SLC22A4: variants seen among roughly 807,000 people sequenced by gnomAD.
SLC22A4 encodes solute carrier family 22 member 4.
Under a neutral mutation model 56.6 loss-of-function variants are expected in SLC22A4, and 39 were observed. That is an observed-to-expected ratio of 0.69 (90% CI 0.53 to 0.90). The LOEUF is 0.90. Among genes scored for constraint, SLC22A4 ranks in the 40% least tolerant of loss-of-function variants. The pLI, the probability that SLC22A4 is intolerant of heterozygous loss-of-function variation, is 0.00. For synonymous variants in SLC22A4, 241 were observed against 281.4 expected, an observed-to-expected ratio of 0.86 and a Z score of 1.44; for missense variants, 594 against 696.5, an observed-to-expected ratio of 0.85 and a Z score of 1.66.
intron 1 of SLC22A4, among the ~76,000 whole-genome samples, chr5:132,302,247 A>T (rs1749921563): frequency 6.6e-6 from 1 of 150,556 alleles, no homozygotes; most frequent in Admixed American, 6.6e-5. Flanking sequence ...GACTTTGTCC[A>T]TCCCTCTTGG....
intron 1 of SLC22A4, among the ~76,000 whole-genome samples, chr5:132,297,128 G>C (rs578090000): frequency 1.3e-5 from 2 of 152,262 alleles, no homozygotes; most frequent in East Asian, 3.9e-4. Flanking sequence ...GACCAGCCTG[G>C]CCAACATGGT....
At chr5:132,335,725 C>A in intron 7 of SLC22A4, 93 bp from the exon 8 acceptor site, 2 of 1,011,426 alleles carry the variant, frequency 2.0e-6, no homozygotes, top group South Asian at 1.3e-5. Flanking sequence ...AATAAAAGTA[C>A]TCCCACTGAA....
intron 4 of SLC22A4, among the ~76,000 whole-genome samples, chr5:132,324,886 T>C (rs1750646954): frequency 6.6e-6 from 1 of 152,164 alleles, no homozygotes; most frequent in Non-Finnish European, 1.5e-5. Context: ...ATCAAAGCAA[T>C]TCAAAACTAG....
Position 132,328,995 on chromosome 5 carries a change from C to T in SLC22A4, c.951+1592C>T, listed in dbSNP as rs1352774635. 6.6e-5 allele frequency among the ~76,000 whole-genome samples: 10 copies of T among 151,300 alleles called. No individual in the cohort carries two copies. In the East Asian group the frequency reaches 2.0e-3, roughly 30 times the overall value. On this transcript the variant is annotated intron_variant, in intron 5 of 9. Transcript: ENST00000200652. Reference sequence around the variant, plus strand: ...TTGCTCAGGCTAGAGTGCAGTGGTACAATTACAGCTCAATGTAGCCTCGAC... The same window carrying T: ...TTGCTCAGGCTAGAGTGCAGTGGTATAATTACAGCTCAATGTAGCCTCGAC...
In SLC22A4 at chr5:132,334,863, C is replaced by A; in HGVS notation, c.1192C>A (p.Arg398Ser). The A allele has an allele frequency of 2.5e-6, 4 of 1,613,826 alleles. No homozygotes were observed. The highest frequency in any genetic ancestry group is 1.1e-5 in the South Asian group (1 of 91,076). Residue 398 changes from arginine to serine, a missense_variant, in exon 7 of 10, where the codon CGT (arginine) becomes AGT (serine). Coordinates refer to ENST00000200652, the MANE Select transcript of SLC22A4 (RefSeq NM_003059.3). ...AWLLLRTLPRRYIIAAVLFWG... is the reference protein window; with the variant it reads ...AWLLLRTLPRSYIIAAVLFWG... ...GCTGCTATTGCGAACCCTGCCCAGG[C>A]GTTATATCATAGCTGCAGTACTGTT...
chr5:132,333,064 T>G (rs1191885631), intron 6 of SLC22A4, among the ~76,000 whole-genome samples: 1 of 152,210 alleles, frequency 6.6e-6, no homozygotes, highest in Non-Finnish European at 1.5e-5. Flanking sequence ...TTATTTGTTG[T>G]GTTTATGAAT....
chr5:132,295,913 A>G (rs561327878), intron 1 of SLC22A4, among the ~76,000 whole-genome samples: 1 of 152,332 alleles, frequency 6.6e-6, no homozygotes, highest in Admixed American at 6.5e-5. Context: ...CCTTTCCCTC[A>G]GCACGGTATA....
chr5:132,309,741 G>A (rs190112496), intron 1 of SLC22A4, among the ~76,000 whole-genome samples: 61 of 152,372 alleles, frequency 4.0e-4, no homozygotes, highest in African/African-American at 1.3e-3. Context: ...AAGGAGTTCT[G>A]CATTTTCAGT....
intron 3 of SLC22A4, among the ~76,000 whole-genome samples, chr5:132,315,675 C>T (rs563595090): frequency 9.2e-5 from 14 of 152,312 alleles, no homozygotes; most frequent in African/African-American, 2.9e-4. Flanking sequence ...TCAGTCAAGC[C>T]AGCCAGTCAG....
chr5:132,306,209 C>G (rs912529454), intron 1 of SLC22A4, among the ~76,000 whole-genome samples: 7 of 151,258 alleles, frequency 4.6e-5, no homozygotes, highest in African/African-American at 1.5e-4. Flanking sequence ...TACCGTATGA[C>G]CCAACAATTT....
chr5:132,324,844 G>A (rs1030989108), intron 4 of SLC22A4, among the ~76,000 whole-genome samples: 1 of 152,150 alleles, frequency 6.6e-6, no homozygotes, highest in African/African-American at 2.4e-5. Flanking sequence ...GAAATGATCA[G>A]CTAGATTTGA....
At chr5:132,300,592 TATTTC>T (rs2126700040) in intron 1 of SLC22A4, among the ~76,000 whole-genome samples, 1 of 152,374 alleles carries the variant, frequency 6.6e-6, no homozygotes, top group East Asian at 1.9e-4. Flanking sequence ...ATACTTATTT[TATTTC>T]ATCAGTTATA....
chr5:132,305,683 A>T (rs1373135091), intron 1 of SLC22A4, among the ~76,000 whole-genome samples: 1 of 152,230 alleles, frequency 6.6e-6, no homozygotes, highest in African/African-American at 2.4e-5. Flanking sequence ...TCAACCAAGA[A>T]TCATGCATCC....
intron 5 of SLC22A4, among the ~76,000 whole-genome samples, chr5:132,330,464 A>G (rs781279751): frequency 9.2e-5 from 14 of 152,230 alleles, no homozygotes; most frequent in Non-Finnish European, 1.9e-4. Context: ...AGTGGCTCAC[A>G]CCTGTAATCC....
intron 1 of SLC22A4, among the ~76,000 whole-genome samples, chr5:132,298,923 C>G (rs1749840748): frequency 6.6e-6 from 1 of 152,210 alleles, no homozygotes; most frequent in Admixed American, 6.5e-5. Flanking sequence ...CCCCTCTCCC[C>G]ACAGTGGCAG....
chr5:132,311,896 C>T (rs915911036), intron 1 of SLC22A4: 7 of 548,316 alleles, frequency 1.3e-5, no homozygotes, highest in Admixed American at 3.1e-5. Flanking sequence ...GTAATGCGAG[C>T]GGAGTAGGAG....
At chr5:132,334,084 C>T (rs1159337084) in intron 6 of SLC22A4, among the ~76,000 whole-genome samples, 2 of 152,174 alleles carry the variant, frequency 1.3e-5, no homozygotes, top group African/African-American at 4.8e-5. Context: ...GCTGGGATTT[C>T]AGGCATGAGC....
rs541368446 is a variant in SLC22A4, at chr5:132,332,901, A to G, written c.1046+1051A>G. ...AATTAAGCAAGTGTGTCCTAGGTAC[A>G]TGGGCTTCTTAGTTCTTACATTTCA... On this transcript the variant is annotated intron_variant, in intron 6 of 9. Coordinates refer to ENST00000200652, the MANE Select transcript of SLC22A4 (RefSeq NM_003059.3). 4.1e-4 allele frequency among the ~76,000 whole-genome samples: 63 copies of G among 152,286 alleles called. 1 individual carries two copies. The highest frequency in any genetic ancestry group is 2.0e-3 in the Admixed American group (31 of 15,292).
At chr5:132,298,388 T>C (rs1749826429) in intron 1 of SLC22A4, among the ~76,000 whole-genome samples, 1 of 152,234 alleles carries the variant, frequency 6.6e-6, no homozygotes. Flanking sequence ...GACAAATTAT[T>C]TTCTGATTTC....
Sources: allele counts gnomAD v4.1 joint callset (sites outside exome capture counted in the v4.1 genomes callset), GRCh38; gene constraint gnomAD v4.1.1; transcripts MANE v1.5; gene names NCBI Gene and HGNC (gene_info 2026-07-23, HGNC 2026-07-21).